Variants in TTC6 observed in about 807,000 individuals in gnomAD.
The protein encoded by TTC6 is tetratricopeptide repeat domain 6.
Under a neutral mutation model 210.4 loss-of-function variants are expected in TTC6, and 172 were observed. That is an observed-to-expected ratio of 0.82 (90% CI 0.72 to 0.93). The LOEUF is 0.93. Among genes scored for constraint, TTC6 ranks in the 40% least tolerant of loss-of-function variants. The pLI is 0.00. For missense variants in TTC6, 2,414 were observed against 2,318.1 expected (o/e 1.04, Z -0.85); for synonymous variants, 804 against 819.6 (o/e 0.98, Z 0.32).
chr14:37,808,857 C>A lies in TTC6; in HGVS notation c.4569+11C>A. On this transcript the variant is annotated intron_variant, in intron 24 of 30. Coordinates refer to ENST00000553443, the Ensembl canonical transcript of TTC6. ...AGGGAACTTCAAATGGTAAGATGAC[C>A]ATTTTAGTAAACAATGTGTTTAAAG... The A allele has an allele frequency of 7.5e-7, 1 of 1,338,972 alleles. No homozygotes were observed. Among genetic ancestry groups the A allele is most frequent in the Non-Finnish European group, 1.0e-6 (1 of 958,456 alleles). The allele number at this position is 1,338,972 out of a possible 1,614,324, so 82.9% of individuals were successfully genotyped here.
At chr14:37,671,513 T>C (rs2095758105) in intron 1 of TTC6, among the ~76,000 whole-genome samples, 1 of 152,158 alleles carries the variant, frequency 6.6e-6, no homozygotes, top group Non-Finnish European at 1.5e-5. Flanking sequence ...TGAACACATA[T>C]TAATTTGTTG....
chr14:37,738,772 T>A lies in TTC6; in HGVS notation c.1984-4T>A. ...TTTTTCTACCTCTTTGCTTGCTTAC[T>A]AAGCGAGTAAAATCTTCTGTAGACT... On this transcript the variant is annotated splice_region_variant and splice_polypyrimidine_tract_variant and intron_variant, in intron 9 of 30. Transcript: ENST00000553443. 1 of 1,466,744 alleles carries A rather than the reference T, an allele frequency of 6.8e-7. No individual in the cohort carries two copies. The allele number at this position is 1,466,744 out of a possible 1,614,324, so 90.9% of individuals were successfully genotyped here.
At chr14:37,640,955 C>G (rs2095690773) in intron 1 of TTC6, among the ~76,000 whole-genome samples, 1 of 152,188 alleles carries the variant, frequency 6.6e-6, no homozygotes, top group Non-Finnish European at 1.5e-5. Flanking sequence ...AGTTAAAATC[C>G]AGCACCAATT....
At chr14:37,727,539 C>T (rs948670288) in intron 7 of TTC6, among the ~76,000 whole-genome samples, 27 of 21,162 alleles carry the variant, frequency 1.3e-3, no homozygotes, top group East Asian at 6.5e-3. Flanking sequence ...GTGATCCGCC[C>T]GCCTTGGCCT....
Position 37,664,711 on chromosome 14 carries a change from G to T in TTC6, c.940-15440G>T, listed in dbSNP as rs548439145. Among the ~76,000 whole-genome samples the T allele has an allele frequency of 1.3e-4, 19 of 150,434 alleles. 1 individual carries two copies. Among genetic ancestry groups the T allele is most frequent in the Non-Finnish European group, 1.9e-4 (13 of 67,068 alleles). On this transcript the variant is annotated intron_variant, in intron 1 of 30. Coordinates refer to ENST00000553443, the Ensembl canonical transcript of TTC6. ...AAAGAAACTATAATCAGAGTGAACAGACAACCTACAAAATTGGGGAAAATT... is the reference window on the plus strand; with the variant it reads ...AAAGAAACTATAATCAGAGTGAACATACAACCTACAAAATTGGGGAAAATT...
chr14:37,659,509 G>GTTTTA (rs60653547), intron 1 of TTC6, among the ~76,000 whole-genome samples: 32,652 of 149,354 alleles, frequency 0.22, 3,735 homozygotes, highest in Middle Eastern at 0.27. Flanking sequence ...TCTCGTTGTC[G>GTTTTA]TTTTATTTTA....
At chr14:37,740,333 A>T (rs985664647) in intron 10 of TTC6, among the ~76,000 whole-genome samples, 1 of 152,188 alleles carries the variant, frequency 6.6e-6, no homozygotes, top group Non-Finnish European at 1.5e-5. Flanking sequence ...ATTATTAAGT[A>T]TTCAGGACAT....
rs2095608794 is a variant in TTC6, at chr14:37,598,440, C to T, written c.-235+2432C>T. Among the ~76,000 whole-genome samples, 1 of 152,214 alleles carries T rather than the reference C, an allele frequency of 6.6e-6. No homozygotes were observed. Among genetic ancestry groups the T allele is most frequent in the Non-Finnish European group, 1.5e-5 (1 of 68,034 alleles). ...TCCGGGTAGCCGCCAGCGGAGGAAG[C>T]GGCTCCGCCCTTCCCGGAAGCTGCC... On this transcript the variant is annotated intron_variant, in intron 1 of 2. Transcript: ENST00000556845. The surrounding 1 kb of genome is among the most constrained non-coding windows in gnomAD (Gnocchi z 4.9).
At chr14:37,626,227 T>TCTTAGCTGTGACA (rs375567090) in intron 1 of TTC6, among the ~76,000 whole-genome samples, 349 of 152,320 alleles carry the variant, frequency 2.3e-3, no homozygotes, top group African/African-American at 7.8e-3. Context: ...AGACATTCAA[T>TCTTAGCTGTGACA]AGTATCAGTC....
intron 1 of TTC6, among the ~76,000 whole-genome samples, chr14:37,651,626 C>T (rs924916778): frequency 6.6e-6 from 1 of 151,518 alleles, no homozygotes; most frequent in Non-Finnish European, 1.5e-5. Context: ...TAATGTGTCT[C>T]AAGTACAGAG....
At chr14:37,747,615 T>C (rs1452345474) in intron 10 of TTC6, among the ~76,000 whole-genome samples, 1 of 152,122 alleles carries the variant, frequency 6.6e-6, no homozygotes, top group Non-Finnish European at 1.5e-5. Context: ...GATTTCACTC[T>C]CCTCCTTCCC....
chr14:37,821,019 CTT>C (rs1315211026), intron 26 of TTC6, among the ~76,000 whole-genome samples: 44 of 51,262 alleles, frequency 8.6e-4, no homozygotes, highest in South Asian at 1.1e-3. Flanking sequence ...TCTTCTTCTT[CTT>C]CCTCTTCTTC....
At chr14:37,757,802 G>A (rs953747056) in intron 14 of TTC6, among the ~76,000 whole-genome samples, 1 of 152,044 alleles carries the variant, frequency 6.6e-6, no homozygotes. Flanking sequence ...GATTGTTCCT[G>A]CTTTCTCTTG....
chr14:37,786,007 C>T (rs1566953405), intron 14 of TTC6, among the ~76,000 whole-genome samples: 1 of 152,080 alleles, frequency 6.6e-6, no homozygotes, highest in Non-Finnish European at 1.5e-5. Flanking sequence ...AGAGGGGCAC[C>T]CGGCTGTATG....
intron 26 of TTC6, among the ~76,000 whole-genome samples, chr14:37,822,814 A>G (rs1364843371): frequency 6.6e-6 from 1 of 152,186 alleles, no homozygotes; most frequent in African/African-American, 2.4e-5. Context: ...CAAGCATAGT[A>G]TGGTAGTTAC....
At chr14:37,831,512 C>T (rs1349464534) in intron 29 of TTC6, among the ~76,000 whole-genome samples, 1 of 152,214 alleles carries the variant, frequency 6.6e-6, no homozygotes, top group Non-Finnish European at 1.5e-5. Flanking sequence ...TCCATAGTAG[C>T]TCTACTAATT....
At chr14:37,662,218 C>T (rs1211069810) in intron 1 of TTC6, among the ~76,000 whole-genome samples, 1 of 152,186 alleles carries the variant, frequency 6.6e-6, no homozygotes, top group East Asian at 1.9e-4. Context: ...AGAGGGCATC[C>T]TTGTCTTGTG....
intron 5 of TTC6, among the ~76,000 whole-genome samples, chr14:37,707,844 G>A (rs2095838346): frequency 6.6e-6 from 1 of 152,036 alleles, no homozygotes. Flanking sequence ...ATTTTTGACT[G>A]TTTATCTTGG....
At chr14:37,768,457 T>C (rs1232982198) in intron 14 of TTC6, among the ~76,000 whole-genome samples, 1 of 152,178 alleles carries the variant, frequency 6.6e-6, no homozygotes, top group Non-Finnish European at 1.5e-5. Flanking sequence ...TCCATTTGTT[T>C]GTATCCTCTT....
Sources: gnomAD v4.1 joint callset for allele counts (sites outside exome capture counted in the v4.1 genomes callset) on GRCh38, gnomAD v4.1.1 for gene constraint, Gnocchi (gnomAD v3.1) non-coding constraint, MANE v1.5 for transcripts, NCBI Gene and HGNC (gene_info 2026-07-23, HGNC 2026-07-21) for gene names.